LZTFL1: variants seen among roughly 807,000 people sequenced by gnomAD.
LZTFL1 encodes leucine zipper transcription factor-like protein 1.
A neutral mutation model predicts 45.9 loss-of-function variants in LZTFL1; 25 were observed. The observed-to-expected ratio is 0.54, with a 90% CI of 0.40 to 0.76. LZTFL1 has a LOEUF of 0.76. Among genes scored for constraint, LZTFL1 ranks in the 30% least tolerant of loss-of-function variants. The pLI is 0.00. For missense variants in LZTFL1, 277 were observed against 331.1 expected, an observed-to-expected ratio of 0.84 and a Z score of 1.27; for synonymous variants, 93 against 117.4, an observed-to-expected ratio of 0.79 and a Z score of 1.35.
At chr3:45,882,374 G>A (rs569385517) in intron 2 of LZTFL1, among the ~76,000 whole-genome samples, 3 of 152,286 alleles carry the variant, frequency 2.0e-5, no homozygotes, top group African/African-American at 2.4e-5. Context: ...AAGATAAGGC[G>A]TTAATCAATG....
intron 2 of LZTFL1, among the ~76,000 whole-genome samples, chr3:45,890,316 T>A (rs1229412006): frequency 3.7e-4 from 23 of 61,912 alleles, no homozygotes; most frequent in East Asian, 9.1e-4. Flanking sequence ...TATATATATA[T>A]TTATATAAAT....
At position 45,841,986 on chromosome 3, in the gene LZTFL1, C is replaced by T. The variant is rs1701130952; in HGVS notation, c.3+3G>A. The T allele has an allele frequency of 1.2e-6, 2 of 1,611,600 alleles. No individual in the cohort carries two copies. Among genetic ancestry groups the T allele is most frequent in the African/African-American group, 1.3e-5 (1 of 74,922 alleles). Reference sequence around the variant, plus strand: ...GTGCGGCGCCTGAGGGTCGGTTACTCACCATGGCGGCAGGCAGCGGCGGCA... The same window carrying T: ...GTGCGGCGCCTGAGGGTCGGTTACTTACCATGGCGGCAGGCAGCGGCGGCA... On this transcript the variant is annotated splice_donor_region_variant and intron_variant, in intron 1 of 9. Coordinates refer to ENST00000296135, the MANE Select transcript of LZTFL1 (RefSeq NM_020347.4).
rs201414744 is a variant in LZTFL1, at chr3:45,901,416, C to A, written c.-215+11704G>T. 12 of 1,614,102 alleles carry A rather than the reference C, an allele frequency of 7.4e-6. No individual in the cohort carries two copies. The East Asian group carries it at 1.1e-4, about 15-fold the overall frequency. On this transcript the variant is annotated intron_variant, in intron 2 of 4. Transcript: ENST00000472635. The surrounding 1 kb of genome is among the most constrained non-coding windows in gnomAD (Gnocchi z 4.3). ...TTACCCTAGCGATGAGAGCACCAAACTGAAGTCAGCTGTCTTGACCCTGAA... is the reference window on the plus strand; with the variant it reads ...TTACCCTAGCGATGAGAGCACCAAAATGAAGTCAGCTGTCTTGACCCTGAA...
At chr3:45,903,272 C>T in intron 2 of LZTFL1, 1 of 161,890 alleles carries the variant, frequency 6.2e-6, no homozygotes. Flanking sequence ...TTCCCTGCTT[C>T]TCTCTACTGC....
intron 2 of LZTFL1, among the ~76,000 whole-genome samples, chr3:45,907,842 G>C (rs916502793): frequency 8.5e-5 from 13 of 152,300 alleles, no homozygotes; most frequent in Middle Eastern, 3.4e-3. Flanking sequence ...TCTTGCTCAC[G>C]TGTGTCTGCC....
At chr3:45,831,732 C>A (rs772593011) in intron 5 of LZTFL1, among the ~76,000 whole-genome samples, 2 of 152,210 alleles carry the variant, frequency 1.3e-5, no homozygotes, top group African/African-American at 2.4e-5. Context: ...TCCTGCCCAA[C>A]ACACTCACTT....
rs1197978093 is a variant in LZTFL1, at chr3:45,900,725, G to C, written c.-215+12395C>G. 4 of 1,397,156 alleles carry C rather than the reference G, an allele frequency of 2.9e-6. No individual in the cohort carries two copies. In the African/African-American group the frequency reaches 5.7e-5, roughly 20 times the overall value. 86.5% of individuals were successfully genotyped at this position (1,397,156 alleles called of 1,614,324 possible). ...TTATCATAGGTGTTTGGGGTTGGAA[G>C]GGTCAAGAGGTCCATGCCTCTGCCA... On this transcript the variant is annotated intron_variant, in intron 2 of 4. Coordinates refer to the LZTFL1 transcript ENST00000472635. The surrounding 1 kb of genome is among the most constrained non-coding windows in gnomAD (Gnocchi z 4.7).
chr3:45,846,633 A>G (rs1701221597), upstream of LZTFL1, among the ~76,000 whole-genome samples: 1 of 152,244 alleles, frequency 6.6e-6, no homozygotes, highest in Non-Finnish European at 1.5e-5. Context: ...TAGAGAAAAG[A>G]AAATACTAGA....
chr3:45,874,587 C>A (rs1400346814), intron 2 of LZTFL1, among the ~76,000 whole-genome samples: 7 of 152,128 alleles, frequency 4.6e-5, no homozygotes, highest in Non-Finnish European at 8.8e-5. Context: ...CACCACTCAG[C>A]CATTCTCTAT....
chr3:45,892,232 A>G (rs549243174), intron 2 of LZTFL1, among the ~76,000 whole-genome samples: 2 of 152,354 alleles, frequency 1.3e-5, no homozygotes, highest in East Asian at 3.9e-4. Flanking sequence ...TAATCTTAAA[A>G]ACATATGGGT....
At chr3:45,887,359 T>G (rs554550621) in intron 2 of LZTFL1, among the ~76,000 whole-genome samples, 1 of 151,598 alleles carries the variant, frequency 6.6e-6, no homozygotes, top group South Asian at 2.1e-4. Context: ...GCTTCAGGAG[T>G]TTTTATTTTC....
chr3:45,862,901 T>C (rs1200412036), intron 2 of LZTFL1, among the ~76,000 whole-genome samples: 1 of 152,218 alleles, frequency 6.6e-6, no homozygotes, highest in African/African-American at 2.4e-5. Flanking sequence ...TATTAGATGA[T>C]CTCGCCTTTG....
rs368620373 is a variant in LZTFL1, at chr3:45,901,921, G to T, written c.-215+11199C>A. ...TGAGGGGTCTTCTCTGAGGTGCATG[G>T]TTCTTTTGGAAGAAATGAGAAATAC... On this transcript the variant is annotated intron_variant, in intron 2 of 4. Transcript: ENST00000472635. This position sits in a 1 kb window ranked among gnomAD's most constrained non-coding sequence, Gnocchi z 4.3. 2 of 1,532,248 alleles carry T rather than the reference G, an allele frequency of 1.3e-6. No individual in the cohort carries two copies. The highest frequency in any genetic ancestry group is 1.8e-6 in the Non-Finnish European group (2 of 1,139,118). 94.9% of individuals were successfully genotyped at this position (1,532,248 alleles called of 1,614,324 possible).
intron 2 of LZTFL1, among the ~76,000 whole-genome samples, chr3:45,887,242 C>T (rs999314505): frequency 3.2e-5 from 4 of 125,448 alleles, no homozygotes; most frequent in African/African-American, 9.5e-5. Context: ...CTATTAAGTG[C>T]GTGTGTGTCT....
Position 45,882,448 on chromosome 3 carries a change from C to T in LZTFL1, c.-214-23432G>A, listed in dbSNP as rs115474126. Among the ~76,000 whole-genome samples the T allele has an allele frequency of 4.7e-3, 711 of 152,256 alleles. 4 individuals carry two copies. Among genetic ancestry groups the T allele is most frequent in the African/African-American group, 0.016 (654 of 41,536 alleles). ...CAATATGCTTTTGAAATATGACTTT[C>T]CCAGTATGTACAGGAGGCTAAGGAA... On this transcript the variant is annotated intron_variant, in intron 2 of 4. Transcript: ENST00000472635.
intron 3 of LZTFL1, 125 bp downstream of exon 3, chr3:45,835,465 C>A: frequency 1.2e-6 from 1 of 803,730 alleles, no homozygotes. Flanking sequence ...CAATGCTTTG[C>A]TGTTACCCTA....
chr3:45,876,251 G>A (rs1441454028), intron 2 of LZTFL1, among the ~76,000 whole-genome samples: 2 of 152,168 alleles, frequency 1.3e-5, no homozygotes, highest in Admixed American at 6.5e-5. Flanking sequence ...GTTTGAAGGA[G>A]GAACCCAGGG....
intron 3 of LZTFL1, chr3:45,855,188 G>A: frequency 3.3e-6 from 2 of 609,760 alleles, no homozygotes; most frequent in East Asian, 3.1e-5. Context: ...ACCGAATCCA[G>A]CAGCACATCA....
intron 2 of LZTFL1, among the ~76,000 whole-genome samples, chr3:45,891,463 T>G (rs954680158): frequency 6.6e-6 from 1 of 152,184 alleles, no homozygotes; most frequent in Non-Finnish European, 1.5e-5. Context: ...TTTCATTAAT[T>G]TTTTGCATTT....
Sources: gnomAD v4.1 joint callset for allele counts (sites outside exome capture counted in the v4.1 genomes callset) on GRCh38, gnomAD v4.1.1 for gene constraint, Gnocchi (gnomAD v3.1) non-coding constraint, MANE v1.5 for transcripts, NCBI Gene and HGNC (gene_info 2026-07-23, HGNC 2026-07-21) for gene names.